ATRNL1: variants seen among roughly 807,000 people sequenced by gnomAD.
The protein encoded by ATRNL1 is attractin like 1, also known as attractin-like protein 1.
Under a neutral mutation model 182.7 loss-of-function variants are expected in ATRNL1, and 95 were observed. That is an observed-to-expected ratio of 0.52 (90% CI 0.44 to 0.62). The LOEUF (loss-of-function observed/expected upper bound fraction) is 0.62. Among genes scored for constraint, ATRNL1 ranks in the 20% least tolerant of loss-of-function variants. ATRNL1 has a pLI of 0.00. For missense variants in ATRNL1, 1,471 were observed against 1,679.5 expected, an observed-to-expected ratio of 0.88 and a Z score of 2.17; for synonymous variants, 576 against 568.3, an observed-to-expected ratio of 1.01 and a Z score of -0.19.
At chr10:115,231,944 G>A (rs1592295260) in intron 9 of ATRNL1, among the ~76,000 whole-genome samples, 1 of 152,194 alleles carries the variant, frequency 6.6e-6, no homozygotes, top group African/African-American at 2.4e-5. Flanking sequence ...AAGTGTAGTA[G>A]GATCCTTGGC....
intron 26 of ATRNL1, among the ~76,000 whole-genome samples, chr10:115,630,532 A>G (rs1280549046): frequency 2.0e-5 from 3 of 151,778 alleles, no homozygotes; most frequent in Non-Finnish European, 2.9e-5. Flanking sequence ...AGAAATTGAA[A>G]TAAGTCTCTC....
intron 20 of ATRNL1, among the ~76,000 whole-genome samples, chr10:115,414,733 A>C (rs1442552658): frequency 6.6e-6 from 1 of 151,800 alleles, no homozygotes; most frequent in African/African-American, 2.4e-5. Flanking sequence ...TTATATATAT[A>C]GTTATTATTT....
At chr10:115,274,708 T>A (rs1852027857) in intron 13 of ATRNL1, among the ~76,000 whole-genome samples, 1 of 152,180 alleles carries the variant, frequency 6.6e-6, no homozygotes, top group African/African-American at 2.4e-5. Flanking sequence ...ACTCCTGAGG[T>A]AGAACAGTGA....
intron 26 of ATRNL1, among the ~76,000 whole-genome samples, chr10:115,669,612 A>C (rs550874891): frequency 2.0e-5 from 3 of 152,252 alleles, no homozygotes; most frequent in African/African-American, 4.8e-5. Context: ...GCAAGTGCAG[A>C]AGCTTTCCAA....
At chr10:115,430,028 G>A (rs1056531513) in intron 21 of ATRNL1, among the ~76,000 whole-genome samples, 2 of 152,132 alleles carry the variant, frequency 1.3e-5, no homozygotes, top group African/African-American at 2.4e-5. Context: ...CCGAGATCGC[G>A]CCACTGCACT....
intron 24 of ATRNL1, among the ~76,000 whole-genome samples, chr10:115,480,207 A>AACACAC (rs72119794): frequency 0.035 from 5,149 of 146,710 alleles, 274 homozygotes; most frequent in African/African-American, 0.11. Flanking sequence ...GAGTCATTTG[A>AACACAC]ACACACACAC....
At chr10:115,925,522 G>T (rs1187842695) in intron 28 of ATRNL1, among the ~76,000 whole-genome samples, 4 of 151,966 alleles carry the variant, frequency 2.6e-5, no homozygotes, top group Admixed American at 1.3e-4. Flanking sequence ...CCCATCTCAT[G>T]TGCAAAGACA....
chr10:115,642,536 C>T (rs975288853), intron 26 of ATRNL1, among the ~76,000 whole-genome samples: 2 of 151,794 alleles, frequency 1.3e-5, no homozygotes, highest in East Asian at 1.9e-4. Context: ...CTCTGCCTCC[C>T]GGGTTCAAGC....
At chr10:115,268,709 T>C (rs782327940) in intron 13 of ATRNL1, among the ~76,000 whole-genome samples, 75 of 152,200 alleles carry the variant, frequency 4.9e-4, no homozygotes, top group Admixed American at 6.5e-4. Flanking sequence ...AAAACTGATA[T>C]TGAAAAAGAC....
At chr10:115,576,582 A>G (rs956521585) in intron 26 of ATRNL1, among the ~76,000 whole-genome samples, 5 of 151,770 alleles carry the variant, frequency 3.3e-5, no homozygotes, top group African/African-American at 1.2e-4. Context: ...AAATTAGGTT[A>G]TTTGCTATTT....
At chr10:115,844,203 T>A (rs1341750293) in intron 27 of ATRNL1, among the ~76,000 whole-genome samples, 1 of 152,098 alleles carries the variant, frequency 6.6e-6, no homozygotes, top group African/African-American at 2.4e-5. Context: ...CCCACTTAAA[T>A]TGTAGTGACT....
At position 115,253,344 on chromosome 10, in the gene ATRNL1, A is replaced by G. The variant is rs1850963067; in HGVS notation, c.1687+11619A>G. On this transcript the variant is annotated intron_variant, in intron 10 of 28. Transcript: ENST00000355044. ...CCAATACATTGATCAGTCATTCAAT[A>G]TGGGTCATTCTAGGAAGGGTGTGCC... Among the ~76,000 whole-genome samples, 4 of 152,278 alleles carry G rather than the reference A, an allele frequency of 2.6e-5. No individual in the cohort carries two copies. The South Asian group carries it at 8.3e-4, about 32-fold the overall frequency.
chr10:115,533,021 T>G (rs2133753903), intron 25 of ATRNL1, among the ~76,000 whole-genome samples: 1 of 152,168 alleles, frequency 6.6e-6, no homozygotes, highest in African/African-American at 2.4e-5. Context: ...TTTGCCAGTA[T>G]TTTATTGAGG....
chr10:115,554,807 C>A (rs1419039707), intron 26 of ATRNL1, among the ~76,000 whole-genome samples: 1 of 151,578 alleles, frequency 6.6e-6, no homozygotes, highest in African/African-American at 2.4e-5. Context: ...AACAAAAAAA[C>A]TTTGGGCACT....
intron 10 of ATRNL1, among the ~76,000 whole-genome samples, chr10:115,255,230 T>G (rs1851067175): frequency 6.6e-6 from 1 of 152,234 alleles, no homozygotes; most frequent in South Asian, 2.1e-4. Context: ...TTTGGCAGTA[T>G]GGCCATTTTC....
At chr10:115,696,507 G>A (rs1349991665) in intron 26 of ATRNL1, among the ~76,000 whole-genome samples, 1 of 152,090 alleles carries the variant, frequency 6.6e-6, no homozygotes, top group Non-Finnish European at 1.5e-5. Flanking sequence ...GACAATTTAT[G>A]TTCCTTTGGG....
At chr10:115,214,041 T>TACACAC (rs149167399) in intron 8 of ATRNL1, among the ~76,000 whole-genome samples, 19,741 of 147,048 alleles carry the variant, frequency 0.13, 1,689 homozygotes, top group African/African-American at 0.25. Flanking sequence ...TACAAATATG[T>TACACAC]ACACACACAC....
intron 24 of ATRNL1, among the ~76,000 whole-genome samples, chr10:115,483,076 T>G (rs1554974500): frequency 6.6e-6 from 1 of 151,304 alleles, no homozygotes; most frequent in Non-Finnish European, 1.5e-5. Flanking sequence ...CCTATCAAAT[T>G]ATAAATGAAA....
chr10:115,857,739 A>C (rs1295979544), intron 28 of ATRNL1, among the ~76,000 whole-genome samples: 1 of 152,246 alleles, frequency 6.6e-6, no homozygotes, highest in Non-Finnish European at 1.5e-5. Context: ...CTAATTAAAC[A>C]TGCTGCAGAA....
Sources: allele counts gnomAD v4.1 joint callset (sites outside exome capture counted in the v4.1 genomes callset), GRCh38; gene constraint gnomAD v4.1.1; transcripts MANE v1.5; gene names NCBI Gene and HGNC (gene_info 2026-07-23, HGNC 2026-07-21).